Variants in PRKG1 observed in about 807,000 individuals in gnomAD.
The protein encoded by PRKG1 is protein kinase cGMP-dependent 1.
A neutral mutation model predicts 88.1 loss-of-function variants in PRKG1; 35 were observed. The observed-to-expected ratio is 0.40, with a 90% CI of 0.30 to 0.53. The LOEUF (loss-of-function observed/expected upper bound fraction) is 0.53. Ranked by LOEUF, PRKG1 falls within the 20% of genes least tolerant of loss-of-function variation. PRKG1 has a pLI of 0.59. For missense variants in PRKG1, 540 were observed against 839.8 expected, an observed-to-expected ratio of 0.64 and a Z score of 4.41; for synonymous variants, 303 against 292.5, an observed-to-expected ratio of 1.04 and a Z score of -0.37.
At chr10:52,080,688 T>C (rs578100780) in intron 7 of PRKG1, among the ~76,000 whole-genome samples, 2 of 152,340 alleles carry the variant, frequency 1.3e-5, no homozygotes, top group African/African-American at 4.8e-5. Flanking sequence ...TGGTATTTGT[T>C]TTGTGTATCA....
intron 4 of PRKG1, among the ~76,000 whole-genome samples, chr10:51,826,421 C>A (rs1368233770): frequency 6.6e-6 from 1 of 152,162 alleles, no homozygotes; most frequent in Non-Finnish European, 1.5e-5. Context: ...GAATCTTTCA[C>A]TTAAATGTAG....
intron 3 of PRKG1, among the ~76,000 whole-genome samples, chr10:51,469,561 C>T (rs1003959166): frequency 4.0e-5 from 6 of 151,788 alleles, no homozygotes; most frequent in Non-Finnish European, 7.4e-5. Context: ...TAATGATGTT[C>T]GTCTGCACTA....
At chr10:51,163,401 G>A (rs375180326) in intron 2 of PRKG1, among the ~76,000 whole-genome samples, 34 of 152,208 alleles carry the variant, frequency 2.2e-4, no homozygotes, top group African/African-American at 8.2e-4. Context: ...ACAAATATGG[G>A]AGGGCAGCCA....
intron 3 of PRKG1, among the ~76,000 whole-genome samples, chr10:51,800,743 C>A (rs1329345238): frequency 2.6e-5 from 4 of 152,078 alleles, no homozygotes; most frequent in Admixed American, 6.6e-5. Context: ...GCTGATGCCC[C>A]TATTCCTTGT....
chr10:52,037,568 T>G (rs543373507), intron 5 of PRKG1, among the ~76,000 whole-genome samples: 13 of 152,254 alleles, frequency 8.5e-5, no homozygotes, highest in African/African-American at 2.6e-4. Context: ...GCTGGATTTT[T>G]ATATTTGATG....
At chr10:52,087,749 A>G (rs914147615) in intron 7 of PRKG1, among the ~76,000 whole-genome samples, 9 of 152,178 alleles carry the variant, frequency 5.9e-5, no homozygotes, top group Admixed American at 2.0e-4. Context: ...GAATTTGGCT[A>G]TTCTTAGGTT....
rs142418542 is a variant in PRKG1 at position 51,322,429 on chromosome 10, T to C, written c.479-145294T>C. Among the ~76,000 whole-genome samples, 684 of 152,240 alleles carry C rather than the reference T, an allele frequency of 4.5e-3. 6 individuals are homozygous for C. Among genetic ancestry groups the C allele is most frequent in the South Asian group, 0.015 (72 of 4,822 alleles). On this transcript the variant is annotated intron_variant, in intron 2 of 17. Coordinates refer to ENST00000373980, the MANE Select transcript of PRKG1 (RefSeq NM_006258.4). Reference sequence around the variant, plus strand: ...CAAACAAAACTGTCTGACCCTGAAATTGATTCTGCAGCCTTTCCAAGTCCA... The same window carrying C: ...CAAACAAAACTGTCTGACCCTGAAACTGATTCTGCAGCCTTTCCAAGTCCA...
At chr10:51,976,488 AG>A (rs1434213847) in intron 5 of PRKG1, among the ~76,000 whole-genome samples, 1 of 149,016 alleles carries the variant, frequency 6.7e-6, no homozygotes, top group Non-Finnish European at 1.5e-5. Flanking sequence ...GCTAAGCCAA[AG>A]AAACCAGTCA....
At chr10:52,159,659 G>T (rs1589659902) in intron 8 of PRKG1, among the ~76,000 whole-genome samples, 2 of 151,646 alleles carry the variant, frequency 1.3e-5, no homozygotes, top group African/African-American at 4.8e-5. Flanking sequence ...TAAGTTAAAA[G>T]TTTTAATTCT....
chr10:52,180,837 G>T (rs1211334921), intron 9 of PRKG1, among the ~76,000 whole-genome samples: 1 of 152,152 alleles, frequency 6.6e-6, no homozygotes, highest in Non-Finnish European at 1.5e-5. Context: ...CTCTGGCTGG[G>T]GGCATGGGTG....
At chr10:51,125,813 A>T (rs968712572) in intron 1 of PRKG1, among the ~76,000 whole-genome samples, 71 of 143,620 alleles carry the variant, frequency 4.9e-4, no homozygotes, top group African/African-American at 1.5e-3. Context: ...AAATTTATTT[A>T]AAAATTATAA....
intron 2 of PRKG1, among the ~76,000 whole-genome samples, chr10:51,418,953 GT>G (rs139210876): frequency 3.3e-5 from 5 of 152,272 alleles, no homozygotes; most frequent in Non-Finnish European, 5.9e-5. Context: ...GCTTTAGATT[GT>G]TTTGGGGGCG....
At chr10:51,062,525 G>A (rs1843703720) in intron 1 of PRKG1, 1 of 151,954 alleles carries the variant, frequency 6.6e-6, no homozygotes, top group South Asian at 2.1e-4. Context: ...AGGTGGGAGG[G>A]TTGATTATCA....
chr10:51,348,943 A>C (rs1272128509), intron 2 of PRKG1, among the ~76,000 whole-genome samples: 4 of 152,124 alleles, frequency 2.6e-5, no homozygotes, highest in Admixed American at 2.0e-4. Flanking sequence ...GTAGCAGGTG[A>C]AATCCGGAGC....
chr10:51,942,634 G>A (rs1016700961), intron 5 of PRKG1, among the ~76,000 whole-genome samples: 25 of 146,906 alleles, frequency 1.7e-4, no homozygotes, highest in African/African-American at 6.0e-4. Context: ...TTTGTATAAG[G>A]TGTAAGGAAG....
chr10:51,516,847 G>C (rs562833151), intron 3 of PRKG1, among the ~76,000 whole-genome samples: 1 of 152,130 alleles, frequency 6.6e-6, no homozygotes, highest in African/African-American at 2.4e-5. Flanking sequence ...TTGTACATTC[G>C]TTGAGCTTAT....
chr10:51,130,141 T>C (rs1015514402), intron 1 of PRKG1, among the ~76,000 whole-genome samples: 3 of 152,206 alleles, frequency 2.0e-5, no homozygotes, highest in African/African-American at 7.2e-5. Flanking sequence ...GTTACACTAC[T>C]TACTTGCCAA....
intron 5 of PRKG1, among the ~76,000 whole-genome samples, chr10:51,938,437 T>C (rs1281345771): frequency 6.6e-6 from 1 of 152,028 alleles, no homozygotes; most frequent in Non-Finnish European, 1.5e-5. Context: ...CATTGTTGGC[T>C]TTTTATGAAT....
At chr10:52,074,607 C>T (rs559360100) in intron 7 of PRKG1, among the ~76,000 whole-genome samples, 20 of 152,172 alleles carry the variant, frequency 1.3e-4, no homozygotes, top group African/African-American at 2.9e-4. Context: ...TGAACTCAGC[C>T]GGTGTTTTGT....
Sources: gnomAD v4.1 joint callset for allele counts (sites outside exome capture counted in the v4.1 genomes callset) on GRCh38, gnomAD v4.1.1 for gene constraint, MANE v1.5 for transcripts, NCBI Gene and HGNC (gene_info 2026-07-23, HGNC 2026-07-21) for gene names.